The following SNX13 variants were observed in gnomAD, a reference collection of about 807,000 sequenced individuals.
SNX13 encodes sorting nexin 13.
Under a neutral mutation model 133.6 loss-of-function variants are expected in SNX13, and 45 were observed. The observed-to-expected ratio is 0.34, with a 90% CI of 0.27 to 0.43. The LOEUF (loss-of-function observed/expected upper bound fraction) is 0.43, where lower values mean the gene tolerates loss of function less well. Ranked by LOEUF, SNX13 falls within the 20% of genes least tolerant of loss-of-function variation. The pLI, the probability that SNX13 is intolerant of heterozygous loss-of-function variation, is 1.00. For missense variants in SNX13, 1,032 were observed against 1,145.1 expected (o/e 0.90, Z 1.43); for synonymous variants, 414 against 373.9 (o/e 1.11, Z -1.24).
chr7:17,914,283 A>G (rs1799311742), intron 1 of SNX13, among the ~76,000 whole-genome samples: 1 of 152,178 alleles, frequency 6.6e-6, no homozygotes, highest in Non-Finnish European at 1.5e-5. Context: ...CTTGAAAAAG[A>G]TGAAAGTAAG....
At chr7:17,827,520 T>C (rs1788044635) in intron 16 of SNX13, among the ~76,000 whole-genome samples, 1 of 151,930 alleles carries the variant, frequency 6.6e-6, no homozygotes, top group Non-Finnish European at 1.5e-5. Context: ...AAAATGTATC[T>C]ACTAAAAACT....
At chr7:17,803,934 G>C (rs1348166543) in intron 20 of SNX13, among the ~76,000 whole-genome samples, 1 of 150,178 alleles carries the variant, frequency 6.7e-6, no homozygotes, top group Non-Finnish European at 1.5e-5. Flanking sequence ...GTACACACCT[G>C]TGGTCCTAGC....
chr7:17,884,404 A>T (rs776070418), intron 5 of SNX13, among the ~76,000 whole-genome samples: 1 of 152,220 alleles, frequency 6.6e-6, no homozygotes, highest in Non-Finnish European at 1.5e-5. Context: ...GACTTTTTAA[A>T]AAGTTAATTT....
chr7:17,805,736 A>C (rs1176601463), intron 20 of SNX13, among the ~76,000 whole-genome samples: 1 of 152,190 alleles, frequency 6.6e-6, no homozygotes, highest in African/African-American at 2.4e-5. Flanking sequence ...TTGATACTCT[A>C]AGAGAAAGTA....
At chr7:17,804,299 T>A (rs1479942907) in intron 20 of SNX13, among the ~76,000 whole-genome samples, 2 of 152,170 alleles carry the variant, frequency 1.3e-5, no homozygotes, top group Non-Finnish European at 2.9e-5. Flanking sequence ...CAGTTAGGTA[T>A]TTTGAGTAGA....
In SNX13 at chr7:17,796,880, A is replaced by T. The variant is rs1215644112; in HGVS notation, c.2573T>A (p.Ile858Asn). 6.2e-7 allele frequency: 1 copy of T among 1,611,360 alleles called. No homozygotes were observed. Among genetic ancestry groups the T allele is most frequent in the African/African-American group, 1.3e-5 (1 of 74,916 alleles). The change falls in exon 25 of 26, where the codon ATT (isoleucine) becomes AAT (asparagine). Residue 858 changes from isoleucine (I) to asparagine (N), a missense_variant. Physicochemically the swap from Ile to Asn is moderately radical, Grantham distance 149 (BLOSUM62 -3). Coordinates refer to ENST00000428135, the MANE Select transcript of SNX13 (RefSeq NM_015132.5). ...AEAVPCRDKS[I>N]RMRTRVAGKT... The stretch of plus-strand genomic sequence containing the variant: ...TCCTGCTACTCTTGTTCTCATTCGA[A>T]TACTTTTATCTCTGCATGGAACAGC...
chr7:17,839,769 T>C (rs1260812535), intron 13 of SNX13, 38 bp downstream of exon 13: 8 of 1,507,830 alleles, frequency 5.3e-6, no homozygotes, highest in East Asian at 2.4e-5. Flanking sequence ...TTAATAATAC[T>C]GCTAAAGAAG....
chr7:17,936,366 T>C (rs371254918), intron 1 of SNX13, among the ~76,000 whole-genome samples: 1 of 152,214 alleles, frequency 6.6e-6, no homozygotes, highest in African/African-American at 2.4e-5. Context: ...GTGTTAATAT[T>C]GAAAAAGCAA....
At position 17,794,217 on chromosome 7, in the gene SNX13, T is replaced by C; in HGVS notation, c.2702A>G (p.Asn901Ser). 1 of 1,611,820 alleles carries C rather than the reference T, an allele frequency of 6.2e-7. No individual in the cohort carries two copies. Among genetic ancestry groups the C allele is most frequent in the Non-Finnish European group, 8.5e-7 (1 of 1,178,572 alleles). The change falls in exon 26 of 26, where the codon AAC becomes AGC. Residue 901 changes from asparagine (N) to serine (S), a missense_variant. Coordinates refer to ENST00000428135, the MANE Select transcript of SNX13 (RefSeq NM_015132.5). ...ATAAACCATTCTCCTATTTAATTGGTTGTGCTGAAACATTTCAAAAACACG... is the reference window on the plus strand; with the variant it reads ...ATAAACCATTCTCCTATTTAATTGGCTGTGCTGAAACATTTCAAAAACACG... The part of the protein sequence containing the change: ...ILRVFEMFQH[N>S]QLNRRMVYVF...
chr7:17,859,191 T>A (rs1013027900), intron 9 of SNX13, among the ~76,000 whole-genome samples: 6 of 151,998 alleles, frequency 3.9e-5, no homozygotes, highest in African/African-American at 1.4e-4. Flanking sequence ...CTGCAATACA[T>A]ATATCTGATA....
At chr7:17,937,371 C>G (rs1000467150) in intron 1 of SNX13, among the ~76,000 whole-genome samples, 1 of 151,530 alleles carries the variant, frequency 6.6e-6, no homozygotes, top group Non-Finnish European at 1.5e-5. Context: ...ATTTTTGGCC[C>G]GGTGCAGTGG....
intron 5 of SNX13, among the ~76,000 whole-genome samples, chr7:17,887,926 T>TA (rs2127989281): frequency 6.6e-6 from 1 of 152,042 alleles, no homozygotes; most frequent in African/African-American, 2.4e-5. Flanking sequence ...GACTGTAAGT[T>TA]AAAGAATAGA....
chr7:17,913,204 G>A (rs1799187818), intron 1 of SNX13, among the ~76,000 whole-genome samples: 2 of 152,326 alleles, frequency 1.3e-5, no homozygotes, highest in South Asian at 4.1e-4. Context: ...CACAAGTGTG[G>A]TGCCAGCCAC....
At chr7:17,887,779 G>C (rs1023238805) in intron 5 of SNX13, among the ~76,000 whole-genome samples, 2 of 150,360 alleles carry the variant, frequency 1.3e-5, no homozygotes, top group African/African-American at 4.9e-5. Context: ...ACAAACACTA[G>C]AAATCATGGG....
At chr7:17,932,829 C>T (rs987794483) in intron 1 of SNX13, among the ~76,000 whole-genome samples, 6 of 152,184 alleles carry the variant, frequency 3.9e-5, no homozygotes, top group Non-Finnish European at 8.8e-5. Context: ...TTATATTCTC[C>T]AATCTTTTCC....
intron 20 of SNX13, among the ~76,000 whole-genome samples, chr7:17,809,951 T>C (rs1267126370): frequency 6.6e-6 from 1 of 152,106 alleles, no homozygotes; most frequent in Non-Finnish European, 1.5e-5. Context: ...TACCAGAATC[T>C]CTGGGACACA....
chr7:17,926,949 C>T (rs1800817444), intron 1 of SNX13, among the ~76,000 whole-genome samples: 1 of 152,036 alleles, frequency 6.6e-6, no homozygotes, highest in African/African-American at 2.4e-5. Flanking sequence ...CAATTCAAAA[C>T]AGGAAATATA....
intron 1 of SNX13, among the ~76,000 whole-genome samples, chr7:17,910,889 G>C (rs927488738): frequency 9.2e-5 from 14 of 152,138 alleles, no homozygotes; most frequent in African/African-American, 2.4e-5. Context: ...CCACGGGCTG[G>C]GGCGGAAGAG....
At chr7:17,796,673 AC>A (rs1475886287) in intron 25 of SNX13, 153 bp downstream of exon 25, 1 of 613,906 alleles carries the variant, frequency 1.6e-6, no homozygotes, top group Non-Finnish European at 2.9e-6. Context: ...CTGATTAAGA[AC>A]ATATGAGAAA....
Sources: gnomAD v4.1 joint callset for allele counts (sites outside exome capture counted in the v4.1 genomes callset) on GRCh38, gnomAD v4.1.1 for gene constraint, MANE v1.5 for transcripts, NCBI Gene and HGNC (gene_info 2026-07-23, HGNC 2026-07-21) for gene names.